Variants in SEMA3A observed in about 807,000 individuals in gnomAD.
The protein encoded by SEMA3A is semaphorin 3A.
SEMA3A carries 29 observed loss-of-function variants against 97.9 expected under a neutral mutation model. That is an observed-to-expected ratio of 0.30 (90% CI 0.22 to 0.40). SEMA3A has a LOEUF of 0.40. SEMA3A is among the 10% of genes least tolerant of loss of function. The probability of loss-of-function intolerance (pLI) is 1.00; values close to 1 mark genes in which losing one functional copy is unlikely to be tolerated. For synonymous variants in SEMA3A, 321 were observed against 323.7 expected (o/e 0.99, Z 0.09); for missense variants, 763 against 951.3 (o/e 0.80, Z 2.60).
intron 1 of SEMA3A, among the ~76,000 whole-genome samples, chr7:84,432,766 T>C (rs1297675992): frequency 1.3e-5 from 2 of 152,164 alleles, no homozygotes; most frequent in East Asian, 1.9e-4. Flanking sequence ...ATATGTGCCA[T>C]ATTTACTTTA....
intron 1 of SEMA3A, among the ~76,000 whole-genome samples, chr7:84,421,478 T>A (rs1361241163): frequency 6.6e-6 from 1 of 152,102 alleles, no homozygotes; most frequent in Non-Finnish European, 1.5e-5. Context: ...ATAATTTGAC[T>A]TCCTCTCTTC....
Position 84,114,492 on chromosome 7 carries a change from G to T in SEMA3A, c.334-3903C>A, listed in dbSNP as rs116694321. ...TGCTTCTATCCCATCGATAGTTTGTGTAGAAATATTTTGGTGCATAATCTA... is the reference window on the plus strand; with the variant it reads ...TGCTTCTATCCCATCGATAGTTTGTTTAGAAATATTTTGGTGCATAATCTA... On this transcript the variant is annotated intron_variant, in intron 3 of 16. Transcript: ENST00000265362. Among the ~76,000 whole-genome samples the T allele has an allele frequency of 1.7e-3, 262 of 152,270 alleles. 1 individual carries two copies. The highest frequency in any genetic ancestry group is 6.1e-3 in the African/African-American group (253 of 41,568).
chr7:84,398,474 G>T (rs1022027269), intron 1 of SEMA3A, among the ~76,000 whole-genome samples: 23 of 151,990 alleles, frequency 1.5e-4, no homozygotes, highest in African/African-American at 5.1e-4. Context: ...CCTGACTGAA[G>T]CCGTTAAAAA....
intron 2 of SEMA3A, among the ~76,000 whole-genome samples, chr7:84,356,499 G>C (rs1275328224): frequency 6.6e-6 from 1 of 151,412 alleles, no homozygotes; most frequent in African/African-American, 2.4e-5. Flanking sequence ...AAGTATAAAA[G>C]ATTCTGAAAT....
chr7:84,113,672 T>C (rs757979002), intron 3 of SEMA3A, among the ~76,000 whole-genome samples: 1 of 152,314 alleles, frequency 6.6e-6, no homozygotes. Context: ...CTTTTTGGAA[T>C]TTAAGTTGAT....
intron 3 of SEMA3A, among the ~76,000 whole-genome samples, chr7:84,260,692 G>T (rs1183008706): frequency 6.6e-6 from 1 of 152,166 alleles, no homozygotes; most frequent in African/African-American, 2.4e-5. Context: ...GCTCCCTCTG[G>T]ACTTTGGGCA....
At chr7:84,160,269 CTATCTATCGTTA>C (rs1796989780) in intron 1 of SEMA3A, among the ~76,000 whole-genome samples, 1 of 130,898 alleles carries the variant, frequency 7.6e-6, no homozygotes, top group Non-Finnish European at 1.7e-5. Flanking sequence ...ATCTATCTAT[CTATCTATCGTTA>C]GTTCGTTCTA....
intron 3 of SEMA3A, among the ~76,000 whole-genome samples, chr7:84,204,340 C>T (rs905596353): frequency 3.9e-5 from 6 of 152,260 alleles, no homozygotes; most frequent in Middle Eastern, 3.4e-3. Context: ...AGCAGTTGAT[C>T]ACCCCCTTTT....
rs1178520657 is a variant in SEMA3A, at chr7:84,491,873, T to G, written c.-246+587A>C. On this transcript the variant is annotated intron_variant, in intron 1 of 3. Transcript: ENST00000424555. Reference sequence around the variant, plus strand: ...TTATTAGACAAATGACCTTTTGTTTTGTTTTGTTTGTTTTAAATACTCACT... The same window carrying G: ...TTATTAGACAAATGACCTTTTGTTTGGTTTTGTTTGTTTTAAATACTCACT... Among the ~76,000 whole-genome samples the G allele has an allele frequency of 5.3e-5, 8 of 152,174 alleles. No individual in the cohort carries two copies. In the East Asian group the frequency reaches 1.5e-3, roughly 29 times the overall value.
chr7:84,050,389 A>C (rs1163224609), intron 5 of SEMA3A, among the ~76,000 whole-genome samples: 2 of 151,996 alleles, frequency 1.3e-5, no homozygotes, highest in Non-Finnish European at 2.9e-5. Flanking sequence ...TGACTTTTTA[A>C]TGATTGCCAT....
At chr7:84,146,960 T>C (rs1215856766) in intron 1 of SEMA3A, among the ~76,000 whole-genome samples, 7 of 152,326 alleles carry the variant, frequency 4.6e-5, no homozygotes, top group African/African-American at 1.7e-4. Flanking sequence ...AGGAGGCTTC[T>C]CTGTTTCATA....
intron 1 of SEMA3A, among the ~76,000 whole-genome samples, chr7:84,411,323 G>A (rs1804258555): frequency 6.6e-6 from 1 of 152,072 alleles, no homozygotes; most frequent in Admixed American, 6.6e-5. Flanking sequence ...CACAGTCATT[G>A]GAGCATAAAC....
chr7:84,464,536 C>T (rs1351743018), intron 1 of SEMA3A, among the ~76,000 whole-genome samples: 1 of 152,070 alleles, frequency 6.6e-6, no homozygotes, highest in Non-Finnish European at 1.5e-5. Flanking sequence ...CGAAAGAACT[C>T]CTTGAGTGAA....
intron 1 of SEMA3A, among the ~76,000 whole-genome samples, chr7:84,426,564 CT>C (rs1173946660): frequency 6.6e-6 from 1 of 152,022 alleles, no homozygotes; most frequent in African/African-American, 2.4e-5. Context: ...TGTTTTATAA[CT>C]TTTAAGAAGA....
chr7:84,040,243 C>G (rs940756347), intron 6 of SEMA3A, among the ~76,000 whole-genome samples: 1 of 139,730 alleles, frequency 7.2e-6, no homozygotes, highest in Non-Finnish European at 1.5e-5. Context: ...TTTTTCTGGT[C>G]AAAACTCTCC....
At position 84,007,375 on chromosome 7, in the gene SEMA3A, A is replaced by G. The variant is rs1382914456; in HGVS notation, c.1118T>C (p.Val373Ala). 6 of 1,606,476 alleles carry G rather than the reference A, an allele frequency of 3.7e-6. No individual in the cohort carries two copies. The change falls in exon 10 of 17, where the codon GTC becomes GCC. Residue 373 changes from valine (V) to alanine (A), a missense_variant. Around this residue, in one of 2 missense-constraint regions of SEMA3A, gnomAD observed 678 missense variants for 881.3 expected, o/e 0.77. Transcript: ENST00000265362. ...TACAGTTCCTGGCCGTGGATAGGGG[A>G]CTCTTCCTTGATAAGGCACCCATTG... ...NYQWVPYQGRVPYPRPGTCPS... is the reference protein window; with the variant it reads ...NYQWVPYQGRAPYPRPGTCPS...
intron 1 of SEMA3A, among the ~76,000 whole-genome samples, chr7:84,432,636 G>T (rs1417240210): frequency 6.6e-6 from 1 of 152,044 alleles, no homozygotes; most frequent in Non-Finnish European, 1.5e-5. Context: ...AGAACATACG[G>T]TATTTTGTTT....
rs1308017978 is a variant in SEMA3A at position 83,985,481 on chromosome 7, A to G, written c.1453-4T>C. 2 of 1,607,036 alleles carry G rather than the reference A, an allele frequency of 1.2e-6. No homozygotes were observed. The highest frequency in any genetic ancestry group is 8.5e-7 in the Non-Finnish European group (1 of 1,175,132). On this transcript the variant is annotated splice_polypyrimidine_tract_variant and splice_region_variant and intron_variant, in intron 12 of 16. Coordinates refer to ENST00000265362, the MANE Select transcript of SEMA3A (RefSeq NM_006080.3). ...TTGCTGAAATAGCAGTCGGTTCCTAAAGGAGAAAAAGAAATATGTGAGGTG... is the reference window on the plus strand; with the variant it reads ...TTGCTGAAATAGCAGTCGGTTCCTAGAGGAGAAAAAGAAATATGTGAGGTG...
intron 3 of SEMA3A, among the ~76,000 whole-genome samples, chr7:84,217,117 T>C (rs1032910562): frequency 2.6e-5 from 4 of 152,238 alleles, no homozygotes; most frequent in Admixed American, 2.6e-4. Flanking sequence ...ACAGCTGTAA[T>C]GTGTTTTCAG....
Sources: allele counts gnomAD v4.1 joint callset (sites outside exome capture counted in the v4.1 genomes callset), GRCh38; gene constraint gnomAD v4.1.1; regional missense constraint gnomAD v4.1.1; transcripts MANE v1.5; gene names NCBI Gene and HGNC (gene_info 2026-07-23, HGNC 2026-07-21).